The following IPO9 variants were observed in gnomAD, a reference collection of about 807,000 sequenced individuals.
IPO9 encodes importin-9.
A neutral mutation model predicts 128.6 loss-of-function variants in IPO9; 28 were observed. The ratio of observed to expected loss-of-function variants is 0.22; its 90% CI spans 0.16 to 0.30. The LOEUF (loss-of-function observed/expected upper bound fraction) is 0.30. Among genes scored for constraint, IPO9 ranks in the 10% least tolerant of loss-of-function variants. The probability of loss-of-function intolerance (pLI) is 1.00; values close to 1 mark genes in which losing one functional copy is unlikely to be tolerated. For synonymous variants in IPO9, 455 were observed against 475.8 expected, an observed-to-expected ratio of 0.96 and a Z score of 0.57; for missense variants, 935 against 1,293.9, an observed-to-expected ratio of 0.72 and a Z score of 4.26.
At chr1:201,862,333 C>T (rs1384050843) in intron 13 of IPO9, among the ~76,000 whole-genome samples, 1 of 151,926 alleles carries the variant, frequency 6.6e-6, no homozygotes, top group Non-Finnish European at 1.5e-5. Flanking sequence ...TGGTACGCAC[C>T]TGTAATCCCA....
intron 1 of IPO9, among the ~76,000 whole-genome samples, chr1:201,833,507 A>G (rs928358539): frequency 5.9e-5 from 9 of 152,084 alleles, no homozygotes; most frequent in Non-Finnish European, 2.9e-5. Flanking sequence ...CCAAAGTGCT[A>G]GGATTACAGG....
At position 201,863,591 on chromosome 1, in the gene IPO9, G is replaced by A; in HGVS notation, c.1612G>A (p.Val538Met). 6.3e-7 allele frequency: 1 copy of A among 1,591,804 alleles called. No homozygotes were observed. The highest frequency in any genetic ancestry group is 1.1e-5 in the South Asian group (1 of 89,754). ...GCCCCCATCAGTTCGAATTTCTGCA[G>A]TGAGAGCCATCTGGGGGTGAGTATG... ...TQPPSVRISA[V>M]RAIWGYCDQL... The change falls in exon 14 of 24, where the codon GTG becomes ATG. Residue 538 changes from valine (V) to methionine (M), a missense_variant. Val to Met is a conservative substitution (Grantham distance 21). Around this residue, in one of 3 missense-constraint regions of IPO9, gnomAD observed 741 missense variants for 1,019.1 expected, o/e 0.73. Transcript: ENST00000361565.
At chr1:201,841,825 A>G in intron 1 of IPO9, among the ~76,000 whole-genome samples, 1 of 152,366 alleles carries the variant, frequency 6.6e-6, no homozygotes. Context: ...GTATTGGATT[A>G]AAACTCACAG....
chr1:201,847,649 T>TA lies in IPO9; in HGVS notation c.312+12dup. On this transcript the variant is annotated intron_variant, in intron 3 of 23. Transcript: ENST00000361565. Reference sequence around the variant, plus strand: ...GAAACTACAGAAAGGGTAAGTCAGTTACTTGATTAGTCTACCTGAGGAGAT... The same window carrying TA: ...GAAACTACAGAAAGGGTAAGTCAGTTAACTTGATTAGTCTACCTGAGGAGAT... 1 of 1,586,458 alleles carries TA rather than the reference T, an allele frequency of 6.3e-7. No individual in the cohort carries two copies. The highest frequency in any genetic ancestry group is 8.7e-7 in the Non-Finnish European group (1 of 1,154,854).
At chr1:201,852,481 C>G (rs1680238721) in intron 5 of IPO9, among the ~76,000 whole-genome samples, 1 of 152,208 alleles carries the variant, frequency 6.6e-6, no homozygotes, top group Non-Finnish European at 1.5e-5. Context: ...CTTCCAGCCT[C>G]TTACTGAGTT....
chr1:201,848,710 C>T, intron 4 of IPO9, 116 bp downstream of exon 4: 5 of 972,342 alleles, frequency 5.1e-6, no homozygotes, highest in Non-Finnish European at 7.9e-6. Flanking sequence ...GATGTTATTC[C>T]TCCCTCCTAG....
chr1:201,843,369 T>G (rs969495901), intron 1 of IPO9, among the ~76,000 whole-genome samples: 2 of 152,042 alleles, frequency 1.3e-5, no homozygotes, highest in African/African-American at 4.8e-5. Flanking sequence ...CTAAGACCAT[T>G]GCATCAGGTA....
chr1:201,845,028 G>T (rs559115225), intron 1 of IPO9, among the ~76,000 whole-genome samples: 7 of 151,414 alleles, frequency 4.6e-5, no homozygotes, highest in Non-Finnish European at 7.4e-5. Flanking sequence ...TTTTGGGAGG[G>T]GGGGGCGTAC....
At chr1:201,858,651 G>T (rs1433608184) in intron 12 of IPO9, 98 bp downstream of exon 12, 23 of 877,570 alleles carry the variant, frequency 2.6e-5, no homozygotes, top group Non-Finnish European at 3.7e-5. Flanking sequence ...TTGAAAATCT[G>T]GTTTTAATTT....
chr1:201,837,487 T>C (rs1558215449), intron 1 of IPO9, among the ~76,000 whole-genome samples: 1 of 152,174 alleles, frequency 6.6e-6, no homozygotes, highest in Non-Finnish European at 1.5e-5. Flanking sequence ...TCTTTTTCCC[T>C]TTTGTGAGCT....
intron 19 of IPO9, among the ~76,000 whole-genome samples, chr1:201,871,627 A>T (rs1680654738): frequency 6.6e-6 from 1 of 151,750 alleles, no homozygotes; most frequent in Admixed American, 6.6e-5. Context: ...TCCTGACCTC[A>T]AGTGATCCAC....
At chr1:201,836,036 C>T (rs895840961) in intron 1 of IPO9, among the ~76,000 whole-genome samples, 4 of 146,144 alleles carry the variant, frequency 2.7e-5, no homozygotes, top group Admixed American at 7.1e-5. Context: ...GGCCTGAACC[C>T]GGGAGGCAGA....
chr1:201,879,306 A>C lies in IPO9; in HGVS notation c.*3252A>C, dbSNP rs764980857. ...TTCTTTAATTTTGTTAACTAGGTAAATAATCTGGACATTTTAGTCAAAGCA... is the reference window on the plus strand; with the variant it reads ...TTCTTTAATTTTGTTAACTAGGTAACTAATCTGGACATTTTAGTCAAAGCA... On this transcript the variant is annotated 3_prime_UTR_variant, in exon 24 of 24. Coordinates refer to ENST00000361565, the MANE Select transcript of IPO9 (RefSeq NM_018085.5). The C allele has an allele frequency of 3.3e-5, 5 of 152,226 alleles. No homozygotes were observed. Among genetic ancestry groups the C allele is most frequent in the Non-Finnish European group, 7.3e-5 (5 of 68,038 alleles). 9.4% of individuals were successfully genotyped at this position (152,226 alleles called of 1,614,324 possible).
At position 201,853,921 on chromosome 1, in the gene IPO9, A is replaced by G. The variant is rs141115917; in HGVS notation, c.691-674A>G. On this transcript the variant is annotated intron_variant, in intron 6 of 23. Coordinates refer to ENST00000361565, the MANE Select transcript of IPO9 (RefSeq NM_018085.5). The stretch of plus-strand genomic sequence containing the variant: ...GCCCAGCTAATTTTTGTTTTGCAGT[A>G]GAGACAGGGTTTCACCATGTTGGCC... 1.0e-3 allele frequency among the ~76,000 whole-genome samples: 152 copies of G among 152,272 alleles called. 1 individual carries two copies. In the East Asian group the frequency reaches 0.014, roughly 14 times the overall value.
chr1:201,830,603 A>C (rs532617394), intron 1 of IPO9, among the ~76,000 whole-genome samples: 4 of 152,382 alleles, frequency 2.6e-5, no homozygotes, highest in Non-Finnish European at 4.4e-5. Flanking sequence ...AAGCTGTTTG[A>C]GAACCATGTA....
chr1:201,871,086 A>C lies in IPO9; in HGVS notation c.2410-75A>C, dbSNP rs1349194808. 6 of 1,440,716 alleles carry C rather than the reference A, an allele frequency of 4.2e-6. No individual in the cohort carries two copies. In the Admixed American group the frequency reaches 7.2e-5, roughly 17 times the overall value. The allele number at this position is 1,440,716 out of a possible 1,614,324, so 89.2% of individuals were successfully genotyped here. ...CAGTGTAGACTGTATTTCTTATCTG[A>C]CTGGCCAGTTCCCTCTCATCTCCTA... On this transcript the variant is annotated intron_variant, in intron 18 of 23. Coordinates refer to ENST00000361565, the MANE Select transcript of IPO9 (RefSeq NM_018085.5).
In IPO9 at chr1:201,843,817, G is replaced by A. The variant is rs142911128; in HGVS notation, c.164-3462G>A. Among the ~76,000 whole-genome samples the A allele has an allele frequency of 1.0e-3, 139 of 138,164 alleles. 5 individuals carry two copies. In the East Asian group the frequency reaches 0.027, roughly 27 times the overall value. The allele number at this position is 138,164 out of a possible 152,430, so 90.6% of individuals were successfully genotyped here. A position where few individuals can be genotyped will look rare whatever the true frequency, so the allele number is the denominator to read the frequency against. ...CACTCTAGTCTGGGTGACAGAGTGC[G>A]ATTCTGTCTCAAAAAAAAAAAAAAA... On this transcript the variant is annotated intron_variant, in intron 1 of 23. Coordinates refer to ENST00000361565, the MANE Select transcript of IPO9 (RefSeq NM_018085.5).
intron 6 of IPO9, among the ~76,000 whole-genome samples, chr1:201,853,703 A>T (rs973553614): frequency 6.6e-6 from 1 of 152,066 alleles, no homozygotes; most frequent in Non-Finnish European, 1.5e-5. Context: ...AGCATGTGCT[A>T]CCACTCCTGG....
chr1:201,836,119 C>CAAA lies in IPO9; in HGVS notation c.163+6769_163+6771dup, dbSNP rs34447985. On this transcript the variant is annotated intron_variant, in intron 1 of 23. Coordinates refer to ENST00000361565, the MANE Select transcript of IPO9 (RefSeq NM_018085.5). ...TGGGTGACAGAGCAAGACTCCATCT[C>CAAA]AAAAAAAAAAAAAAAAAAAAAAAAC... Among the ~76,000 whole-genome samples the CAAA allele has an allele frequency of 7.6e-3, 418 of 55,270 alleles. 6 individuals carry two copies. Among genetic ancestry groups the CAAA allele is most frequent in the Middle Eastern group, 0.036 (2 of 56 alleles). 36.3% of individuals were successfully genotyped at this position (55,270 alleles called of 152,430 possible). A position where few individuals can be genotyped will look rare whatever the true frequency, so the allele number is the denominator to read the frequency against.
Sources: gnomAD v4.1 joint callset for allele counts (sites outside exome capture counted in the v4.1 genomes callset) on GRCh38, gnomAD v4.1.1 for gene constraint, gnomAD v4.1.1 regional missense constraint, MANE v1.5 for transcripts, NCBI Gene and HGNC (gene_info 2026-07-23, HGNC 2026-07-21) for gene names.